Variants in HIPK3 observed in about 807,000 individuals in gnomAD.
HIPK3 encodes the protein homeodomain interacting protein kinase 3, also known as homeodomain-interacting protein kinase 3.
HIPK3 carries 47 observed loss-of-function variants against 124.2 expected under a neutral mutation model. The ratio of observed to expected loss-of-function variants is 0.38; its 90% CI spans 0.30 to 0.48. HIPK3 has a LOEUF of 0.48. Among genes scored for constraint, HIPK3 ranks in the 20% least tolerant of loss-of-function variants. The pLI is 0.98. For missense variants in HIPK3, 1,286 were observed against 1,454.3 expected, an observed-to-expected ratio of 0.88 and a Z score of 1.88; for synonymous variants, 482 against 515.2, an observed-to-expected ratio of 0.94 and a Z score of 0.87.
chr11:33,269,658 C>G (rs1851068974), intron 1 of HIPK3, among the ~76,000 whole-genome samples: 1 of 152,100 alleles, frequency 6.6e-6, no homozygotes, highest in Non-Finnish European at 1.5e-5. Flanking sequence ...TAAATGTGTT[C>G]TCTGGCCTCT....
At chr11:33,352,902 A>G (rs1853707555) in intron 16 of HIPK3, among the ~76,000 whole-genome samples, 190 bp from the exon 17 acceptor site, 1 of 152,126 alleles carries the variant, frequency 6.6e-6, no homozygotes, top group African/African-American at 2.4e-5. Context: ...AATAAATACT[A>G]AAATGTTAAT....
intron 1 of HIPK3, among the ~76,000 whole-genome samples, chr11:33,279,060 A>G (rs1041375538): frequency 6.6e-6 from 1 of 152,130 alleles, no homozygotes; most frequent in Non-Finnish European, 1.5e-5. Context: ...CATGCTTGTA[A>G]TCCCAACACT....
intron 6 of HIPK3, 123 bp from the exon 7 acceptor site, chr11:33,340,845 C>A: frequency 1.9e-6 from 1 of 522,110 alleles, no homozygotes; most frequent in Non-Finnish European, 3.3e-6. Context: ...TGGAAATAAG[C>A]AGATTAAGTG....
chr11:33,317,835 G>T (rs1852550840), intron 2 of HIPK3, among the ~76,000 whole-genome samples: 1 of 152,124 alleles, frequency 6.6e-6, no homozygotes, highest in South Asian at 2.1e-4. Flanking sequence ...ATTGGTATCT[G>T]TGACTAATCA....
At chr11:33,349,893 A>G (rs1269026878) in intron 14 of HIPK3, among the ~76,000 whole-genome samples, 1 of 152,010 alleles carries the variant, frequency 6.6e-6, no homozygotes, top group Non-Finnish European at 1.5e-5. Flanking sequence ...TCAGCCTCCC[A>G]TGTAGCTGGG....
At chr11:33,296,462 A>G (rs1225796690) in intron 2 of HIPK3, among the ~76,000 whole-genome samples, 1 of 152,120 alleles carries the variant, frequency 6.6e-6, no homozygotes, top group Non-Finnish European at 1.5e-5. Context: ...ATAGAAGCAT[A>G]CCTTGTTTTC....
chr11:33,336,997 A>C, intron 3 of HIPK3, 78 bp from the exon 4 acceptor site: 2 of 1,020,466 alleles, frequency 2.0e-6, no homozygotes, highest in Admixed American at 2.4e-5. Context: ...ACCTGACCTA[A>C]CATATAGCCT....
chr11:33,310,464 T>A (rs571612525), intron 2 of HIPK3, among the ~76,000 whole-genome samples: 3 of 152,172 alleles, frequency 2.0e-5, no homozygotes, highest in African/African-American at 4.8e-5. Flanking sequence ...TGCACCACCA[T>A]GACCCAGCTA....
At chr11:33,345,419 C>G (rs1263653706) in intron 8 of HIPK3, among the ~76,000 whole-genome samples, 2 of 152,070 alleles carry the variant, frequency 1.3e-5, no homozygotes, top group Non-Finnish European at 2.9e-5. Flanking sequence ...TTTCAGCTAA[C>G]CTAATAACTA....
chr11:33,300,433 A>C (rs933341335), intron 2 of HIPK3, among the ~76,000 whole-genome samples: 2 of 152,074 alleles, frequency 1.3e-5, no homozygotes, highest in Non-Finnish European at 2.9e-5. Context: ...TTAAGGTGAG[A>C]CCCTCCACCA....
At chr11:33,270,985 T>C (rs1851109303) in intron 1 of HIPK3, among the ~76,000 whole-genome samples, 1 of 152,212 alleles carries the variant, frequency 6.6e-6, no homozygotes, top group African/African-American at 2.4e-5. Context: ...TACTGAAATT[T>C]AACCTCTTGT....
At chr11:33,264,745 A>T (rs1380253207) in intron 1 of HIPK3, among the ~76,000 whole-genome samples, 1 of 152,208 alleles carries the variant, frequency 6.6e-6, no homozygotes, top group Non-Finnish European at 1.5e-5. Context: ...TATATTATTT[A>T]TAAGCATACA....
intron 2 of HIPK3, among the ~76,000 whole-genome samples, chr11:33,310,387 C>T: frequency 6.6e-6 from 1 of 152,124 alleles, no homozygotes; most frequent in East Asian, 1.9e-4. Context: ...CTCACTGTAA[C>T]TTCCACATCC....
intron 1 of HIPK3, among the ~76,000 whole-genome samples, chr11:33,278,880 T>C (rs1851339048): frequency 6.6e-6 from 1 of 152,174 alleles, no homozygotes; most frequent in Non-Finnish European, 1.5e-5. Context: ...GATAGTAAAT[T>C]TTATTTATTT....
intron 1 of HIPK3, among the ~76,000 whole-genome samples, chr11:33,279,517 G>A (rs573029438): frequency 6.6e-6 from 1 of 152,028 alleles, no homozygotes; most frequent in African/African-American, 2.4e-5. Context: ...AAAAAAGATG[G>A]AAACAGCCCA....
chr11:33,337,165 G>T lies in HIPK3; in HGVS notation c.1312G>T (p.Asp438Tyr). 6.4e-7 allele frequency: 1 copy of T among 1,560,472 alleles called. No homozygotes were observed. Reference protein sequence around the residue: ...KSTRFFCKETDMSHSGWRLKT... With the variant: ...KSTRFFCKETYMSHSGWRLKT... ...CACAAGATTTTTTTGCAAAGAAACA[G>T]ATATGTCTCATTCTGGTTGGAGATT... The change falls in exon 4 of 17, where the codon GAT becomes TAT. Residue 438 changes from aspartate to tyrosine, a missense_variant. Physicochemically the swap from Asp to Tyr is radical, Grantham distance 160. Coordinates refer to ENST00000303296, the MANE Select transcript of HIPK3 (RefSeq NM_005734.5).
chr11:33,274,250 G>A (rs1851213538), intron 1 of HIPK3, among the ~76,000 whole-genome samples: 1 of 152,184 alleles, frequency 6.6e-6, no homozygotes, highest in South Asian at 2.1e-4. Context: ...GGGAGATGAT[G>A]TCAGGTGATC....
intron 2 of HIPK3, among the ~76,000 whole-genome samples, chr11:33,300,143 C>T (rs1590374833): frequency 6.6e-6 from 1 of 152,046 alleles, no homozygotes; most frequent in Non-Finnish European, 1.5e-5. Context: ...AGTTCGAGAC[C>T]AGCCTGGCCA....
intron 8 of HIPK3, among the ~76,000 whole-genome samples, chr11:33,344,134 A>C (rs1049664530): frequency 6.6e-6 from 1 of 152,214 alleles, no homozygotes; most frequent in Non-Finnish European, 1.5e-5. Flanking sequence ...CAATCTACCT[A>C]CCTACCTACA....
Sources: allele counts gnomAD v4.1 joint callset (sites outside exome capture counted in the v4.1 genomes callset), GRCh38; gene constraint gnomAD v4.1.1; transcripts MANE v1.5; gene names NCBI Gene and HGNC (gene_info 2026-07-23, HGNC 2026-07-21).